RAB3C: variants seen among roughly 807,000 people sequenced by gnomAD.
RAB3C encodes RAB3C, member RAS oncogene family, also known as ras-related protein Rab-3C.
Under a neutral mutation model 26.4 loss-of-function variants are expected in RAB3C, and 17 were observed. That is an observed-to-expected ratio of 0.64 (90% confidence interval 0.44 to 0.97). The LOEUF is 0.97. RAB3C is among the 50% of genes least tolerant of loss of function. RAB3C has a pLI of 0.00. For missense variants in RAB3C, 242 were observed against 281.9 expected, an observed-to-expected ratio of 0.86 and a Z score of 1.01; for synonymous variants, 91 against 95.9, an observed-to-expected ratio of 0.95 and a Z score of 0.30.
intron 3 of RAB3C, among the ~76,000 whole-genome samples, chr5:58,759,196 TCA>T (rs1741740126): frequency 1.3e-5 from 2 of 152,218 alleles, no homozygotes; most frequent in African/African-American, 4.8e-5. Context: ...GTCAGTGTAA[TCA>T]CAGTGGTTAG....
At chr5:58,630,321 C>T (rs888478169) in intron 2 of RAB3C, among the ~76,000 whole-genome samples, 4 of 152,064 alleles carry the variant, frequency 2.6e-5, no homozygotes, top group Non-Finnish European at 5.9e-5. Context: ...ACTCATTTCA[C>T]CCTTAAAAAC....
intron 3 of RAB3C, chr5:58,794,232 T>TA (rs990045369): frequency 9.3e-5 from 14 of 151,278 alleles, no homozygotes; most frequent in African/African-American, 3.4e-4. Flanking sequence ...TCTACTTAAA[T>TA]AATGCCCCCC....
At chr5:58,652,896 A>G (rs980291894) in intron 2 of RAB3C, among the ~76,000 whole-genome samples, 28 of 152,182 alleles carry the variant, frequency 1.8e-4, no homozygotes, top group African/African-American at 6.5e-4. Context: ...GAAAAATTCG[A>G]TAACTTTCAA....
chr5:58,661,195 A>G (rs1033483022), intron 2 of RAB3C, among the ~76,000 whole-genome samples: 1 of 150,398 alleles, frequency 6.6e-6, no homozygotes, highest in Non-Finnish European at 1.5e-5. Flanking sequence ...AAGTATAGTC[A>G]TGTCTCATGG....
intron 1 of RAB3C, 128 bp from the exon 2 acceptor site, chr5:58,617,515 C>T (rs1433129192): frequency 1.2e-6 from 1 of 811,742 alleles, no homozygotes; most frequent in South Asian, 1.3e-5. Flanking sequence ...GAGCACTCAC[C>T]ACTCGCCTCC....
intron 2 of RAB3C, among the ~76,000 whole-genome samples, chr5:58,723,023 T>A (rs1740810203): frequency 6.6e-6 from 1 of 151,832 alleles, no homozygotes; most frequent in African/African-American, 2.4e-5. Context: ...ATTTTTACTA[T>A]TAGAATATTT....
intron 4 of RAB3C, among the ~76,000 whole-genome samples, chr5:58,837,958 G>C (rs1285199528): frequency 6.6e-6 from 1 of 152,118 alleles, no homozygotes; most frequent in Non-Finnish European, 1.5e-5. Flanking sequence ...AGTCTCTTAT[G>C]ATCCTTTATA....
chr5:58,747,894 CT>C (rs1245583448), intron 3 of RAB3C, among the ~76,000 whole-genome samples: 1 of 151,980 alleles, frequency 6.6e-6, no homozygotes, highest in Non-Finnish European at 1.5e-5. Flanking sequence ...GCCCAATCCC[CT>C]TCCTTATTAA....
At chr5:58,710,632 A>T (rs1301211910) in intron 2 of RAB3C, among the ~76,000 whole-genome samples, 2 of 150,946 alleles carry the variant, frequency 1.3e-5, no homozygotes, top group Admixed American at 6.6e-5. Context: ...ATAAATAAAT[A>T]AATAAATAAA....
chr5:58,768,906 A>C (rs1289936606), intron 3 of RAB3C, among the ~76,000 whole-genome samples: 2 of 152,172 alleles, frequency 1.3e-5, no homozygotes, highest in Non-Finnish European at 2.9e-5. Flanking sequence ...TGCTATGTGG[A>C]GATTAGATGG....
intron 2 of RAB3C, among the ~76,000 whole-genome samples, chr5:58,655,845 G>A (rs1379226241): frequency 1.4e-5 from 2 of 139,348 alleles, no homozygotes; most frequent in African/African-American, 5.3e-5. Context: ...ACCCAGGCTG[G>A]AGTGCAGTGA....
At chr5:58,835,169 A>G (rs992907721) in intron 4 of RAB3C, among the ~76,000 whole-genome samples, 2 of 152,086 alleles carry the variant, frequency 1.3e-5, no homozygotes, top group African/African-American at 4.8e-5. Context: ...CCCTTCTTCT[A>G]AACCTCTACT....
In RAB3C at chr5:58,857,901, G is replaced by A. The variant is rs558054968; in HGVS notation, c.*6550G>A. Reference sequence around the variant, plus strand: ...ATAACGAAAAGCTATAAATGTTTATGTATGTGAATTTTAAATTAGAATAAC... The same window carrying A: ...ATAACGAAAAGCTATAAATGTTTATATATGTGAATTTTAAATTAGAATAAC... On this transcript the variant is annotated 3_prime_UTR_variant, in exon 5 of 5. Coordinates refer to ENST00000282878, the MANE Select transcript of RAB3C (RefSeq NM_138453.4). The A allele has an allele frequency of 1.3e-5, 2 of 152,310 alleles. No individual in the cohort carries two copies. The highest frequency in any genetic ancestry group is 3.9e-4 in the East Asian group (2 of 5,188). The allele number at this position is 152,310 out of a possible 1,614,324, so 9.4% of individuals were successfully genotyped here. A position where few individuals can be genotyped will look rare whatever the true frequency, so the allele number is the denominator to read the frequency against.
chr5:58,748,185 A>T (rs904231848), intron 3 of RAB3C, among the ~76,000 whole-genome samples: 11 of 151,728 alleles, frequency 7.2e-5, no homozygotes, highest in Middle Eastern at 3.4e-3. Flanking sequence ...AAGAATTTCA[A>T]GGGGGGGGAA....
chr5:58,648,645 CA>C (rs1384599652), intron 2 of RAB3C, among the ~76,000 whole-genome samples: 1 of 152,154 alleles, frequency 6.6e-6, no homozygotes, highest in Non-Finnish European at 1.5e-5. Context: ...CTAAGAGAGA[CA>C]AGTCTGAACT....
chr5:58,761,601 T>G (rs1741798345), intron 3 of RAB3C, among the ~76,000 whole-genome samples: 1 of 152,116 alleles, frequency 6.6e-6, no homozygotes, highest in South Asian at 2.1e-4. Flanking sequence ...TTTTATGTCC[T>G]CCTGGAAACC....
upstream of RAB3C, chr5:58,582,997 A>G (rs1043210124): frequency 5.2e-6 from 7 of 1,340,542 alleles, no homozygotes; most frequent in Admixed American, 1.5e-4. Context: ...GAACACCCGG[A>G]GGGCGAGACT....
intron 2 of RAB3C, among the ~76,000 whole-genome samples, chr5:58,671,352 A>G (rs1486430954): frequency 1.3e-5 from 2 of 152,336 alleles, no homozygotes; most frequent in Middle Eastern, 3.4e-3. Flanking sequence ...ACAGTTGGCA[A>G]GAGGCACAGT....
At chr5:58,772,306 G>A (rs1159610401) in intron 3 of RAB3C, among the ~76,000 whole-genome samples, 2 of 152,124 alleles carry the variant, frequency 1.3e-5, no homozygotes, top group Non-Finnish European at 2.9e-5. Flanking sequence ...CCTGATGATG[G>A]TATTAAAATA....
Sources: gnomAD v4.1 joint callset for allele counts (sites outside exome capture counted in the v4.1 genomes callset) on GRCh38, gnomAD v4.1.1 for gene constraint, MANE v1.5 for transcripts, NCBI Gene and HGNC (gene_info 2026-07-23, HGNC 2026-07-21) for gene names.